Variants in LSS observed in about 807,000 individuals in gnomAD.
LSS encodes lanosterol synthase, also known as 2,3-epoxysqualene-lanosterol cyclase.
LSS carries 90 observed loss-of-function variants against 110.3 expected under a neutral mutation model. The ratio of observed to expected loss-of-function variants is 0.82; its 90% CI spans 0.69 to 0.97. The LOEUF is 0.97. LSS is among the 50% of genes least tolerant of loss of function. The probability of loss-of-function intolerance (pLI) is 0.00; values close to 1 mark genes in which losing one functional copy is unlikely to be tolerated. For synonymous variants in LSS, 433 were observed against 400.0 expected, an observed-to-expected ratio of 1.08 and a Z score of -0.98; for missense variants, 927 against 990.0, an observed-to-expected ratio of 0.94 and a Z score of 0.85.
At chr21:46,200,713 G>C (rs2079967737) in intron 17 of LSS, among the ~76,000 whole-genome samples, 1 of 152,196 alleles carries the variant, frequency 6.6e-6, no homozygotes, top group African/African-American at 2.4e-5. Context: ...TGTGCACAGT[G>C]AGAAGGGTAA....
chr21:46,224,275 G>C (rs2080311160), intron 3 of LSS, among the ~76,000 whole-genome samples: 1 of 152,170 alleles, frequency 6.6e-6, no homozygotes, highest in African/African-American at 2.4e-5. Flanking sequence ...CCTATCACTG[G>C]AGATGACTCA....
intron 9 of LSS, among the ~76,000 whole-genome samples, chr21:46,214,573 C>T (rs527955475): frequency 2.0e-5 from 3 of 152,306 alleles, no homozygotes; most frequent in African/African-American, 4.8e-5. Context: ...GCAGCAGCTA[C>T]GCGCACAGCT....
At chr21:46,193,198 G>A (rs999231945) in intron 20 of LSS, 4 of 449,926 alleles carry the variant, frequency 8.9e-6, no homozygotes, top group African/African-American at 6.1e-5. Flanking sequence ...TGGCACAGAT[G>A]GGATGCTGTG....
At chr21:46,217,827 G>A (rs1339481254) in intron 6 of LSS, among the ~76,000 whole-genome samples, 1 of 152,156 alleles carries the variant, frequency 6.6e-6, no homozygotes, top group South Asian at 2.1e-4. Context: ...ATTACACACG[G>A]GCGAGGCGCA....
At chr21:46,221,757 T>A in intron 5 of LSS, 97 bp downstream of exon 5, 1 of 1,558,020 alleles carries the variant, frequency 6.4e-7, no homozygotes, top group South Asian at 1.1e-5. Context: ...TTGCCCACTG[T>A]TTCAGCTGCA....
chr21:46,214,708 C>A (rs1398497322), intron 9 of LSS, among the ~76,000 whole-genome samples: 1 of 152,200 alleles, frequency 6.6e-6, no homozygotes, highest in African/African-American at 2.4e-5. Context: ...CCCCTGCAGG[C>A]CCCACAGAGG....
chr21:46,199,889 A>C (rs759162063), intron 17 of LSS, among the ~76,000 whole-genome samples: 4 of 152,216 alleles, frequency 2.6e-5, no homozygotes, highest in Non-Finnish European at 4.4e-5. Context: ...ACATCTGTGA[A>C]ACCACAGAAT....
rs1249956758 is a variant in LSS at position 46,227,574 on chromosome 21, A to T, written c.297T>A (p.Gly99=). The T allele has an allele frequency of 6.2e-7, 1 of 1,613,842 alleles. No homozygotes were observed. Among genetic ancestry groups the T allele is most frequent in the African/African-American group, 1.3e-5 (1 of 74,876 alleles). Residue 99 remains glycine, a synonymous_variant, in exon 3 of 22, where the codon GGT becomes GGA. Transcript: ENST00000397728. ...AEDGHWTGDY[G]GPLFLLPGLL... ...TACCTGGCAGGAGGAAAAGTGGGCCACCATAATCACCCGTCCAGTGCCCAT... is the reference window on the plus strand; with the variant it reads ...TACCTGGCAGGAGGAAAAGTGGGCCTCCATAATCACCCGTCCAGTGCCCAT...
rs183873963 is a variant in LSS, at chr21:46,224,116, A to G, written c.320-1378T>C. On this transcript the variant is annotated intron_variant, in intron 3 of 21. Transcript: ENST00000397728. ...GTACACCTGGCTCTGCCTTCTAGAT[A>G]GCAGTAGTCAATTAGTGAAAGTACT... Among the ~76,000 whole-genome samples, 1,306 of 152,318 alleles carry G rather than the reference A, an allele frequency of 8.6e-3. 15 individuals carry two copies. Among genetic ancestry groups the G allele is most frequent in the African/African-American group, 0.03 (1,249 of 41,558 alleles).
intron 17 of LSS, among the ~76,000 whole-genome samples, chr21:46,203,518 TG>T (rs1293251409): frequency 6.6e-6 from 1 of 152,264 alleles, no homozygotes; most frequent in African/African-American, 2.4e-5. Context: ...CTCTGTATTT[TG>T]CAAGTCTTGT....
In LSS at chr21:46,194,566, T is replaced by C. The variant is rs779309188; in HGVS notation, c.1913A>G (p.Glu638Gly). 2.5e-6 allele frequency: 4 copies of C among 1,613,624 alleles called. No homozygotes were observed. Among genetic ancestry groups the C allele is most frequent in the Non-Finnish European group, 3.4e-6 (4 of 1,179,966 alleles). ...GWGEDFESCEERRYLQSAQSQ... is the reference protein window; with the variant it reads ...GWGEDFESCEGRRYLQSAQSQ... Reference sequence around the variant, plus strand: ...CTGGGCACTCTGCAAATAACGCCGCTCCTCGCAGGACTCAAAGTCCTCCCC... The same window carrying C: ...CTGGGCACTCTGCAAATAACGCCGCCCCTCGCAGGACTCAAAGTCCTCCCC... Residue 638 changes from glutamate to glycine, a missense_variant, in exon 20 of 22, where the codon GAG becomes GGG. Glu to Gly is a moderately conservative substitution (Grantham distance 98, BLOSUM62 -2). Coordinates refer to ENST00000397728, the MANE Select transcript of LSS (RefSeq NM_002340.6).
chr21:46,204,637 G>C (rs945542240), intron 17 of LSS, among the ~76,000 whole-genome samples: 7 of 151,452 alleles, frequency 4.6e-5, no homozygotes, highest in Middle Eastern at 3.4e-3. Flanking sequence ...AAAAAAGAAA[G>C]AAAGAAAGAA....
chr21:46,227,816 T>C (rs994771455), intron 2 of LSS, 126 bp from the exon 3 acceptor site: 4 of 1,129,668 alleles, frequency 3.5e-6, no homozygotes, highest in African/African-American at 3.1e-5. Context: ...GTTTCAGCTG[T>C]TTCCATCAAA....
At chr21:46,204,525 C>G (rs2080021326) in intron 17 of LSS, among the ~76,000 whole-genome samples, 1 of 151,260 alleles carries the variant, frequency 6.6e-6, no homozygotes, top group Non-Finnish European at 1.5e-5. Flanking sequence ...GGAAGACTCC[C>G]CAGACTGATA....
rs539346044 is a variant in LSS at position 46,225,803 on chromosome 21, T to C, written c.319+1749A>G. Among the ~76,000 whole-genome samples, 186 of 152,220 alleles carry C rather than the reference T, an allele frequency of 1.2e-3. No homozygotes were observed. The Middle Eastern group carries it at 0.017, about 14-fold the overall frequency. ...TGACCCATGTGACCTTACCTATCAT[T>C]GGAGATGGCTCACACTCCTTACCCT... On this transcript the variant is annotated intron_variant, in intron 3 of 21. Transcript: ENST00000397728.
In LSS at chr21:46,191,015, G is replaced by A; in HGVS notation, c.*89C>T. The A allele has an allele frequency of 2.7e-6, 4 of 1,499,618 alleles. No individual in the cohort carries two copies. Among genetic ancestry groups the A allele is most frequent in the Non-Finnish European group, 3.7e-6 (4 of 1,094,462 alleles). The allele number at this position is 1,499,618 out of a possible 1,614,324, so 92.9% of individuals were successfully genotyped here. A position where few individuals can be genotyped will look rare whatever the true frequency, so the allele number is the denominator to read the frequency against. On this transcript the variant is annotated 3_prime_UTR_variant, in exon 22 of 22. Coordinates refer to ENST00000397728, the MANE Select transcript of LSS (RefSeq NM_002340.6). The stretch of plus-strand genomic sequence containing the variant: ...TAGAGGTTGAGGGGTTGGAGCCCAA[G>A]ACAGGGTTATGGGAGGGCTCCCCAA...
intron 21 of LSS, 139 bp from the exon 22 acceptor site, chr21:46,191,374 G>A (rs1424609031): frequency 8.0e-6 from 7 of 874,774 alleles, no homozygotes; most frequent in Non-Finnish European, 1.3e-5. Context: ...AAGAGCATAG[G>A]AAAGCAAGTA....
At position 46,192,561 on chromosome 21, in the gene LSS, T is replaced by C. The variant is rs752305655; in HGVS notation, c.1989-602A>G. ...GCCTGTGCATGTGTACATGTGTGCATAGACCTGTATGTACATCTGTCTCCA... is the reference window on the plus strand; with the variant it reads ...GCCTGTGCATGTGTACATGTGTGCACAGACCTGTATGTACATCTGTCTCCA... On this transcript the variant is annotated intron_variant, in intron 20 of 21. Coordinates refer to ENST00000397728, the MANE Select transcript of LSS (RefSeq NM_002340.6). The C allele has an allele frequency of 1.2e-4, 47 of 396,156 alleles. 1 individual carries two copies. The highest frequency in any genetic ancestry group is 6.1e-4 in the South Asian group (32 of 52,690). 24.5% of individuals were successfully genotyped at this position (396,156 alleles called of 1,614,324 possible).
chr21:46,208,960 G>T (rs2080090658), intron 13 of LSS, among the ~76,000 whole-genome samples: 1 of 152,230 alleles, frequency 6.6e-6, no homozygotes, highest in Non-Finnish European at 1.5e-5. Context: ...AGCGGTTCCA[G>T]GCAGAGGGAC....
Sources: allele counts gnomAD v4.1 joint callset (sites outside exome capture counted in the v4.1 genomes callset), GRCh38; gene constraint gnomAD v4.1.1; transcripts MANE v1.5; gene names NCBI Gene and HGNC (gene_info 2026-07-23, HGNC 2026-07-21).